Variants in TRPM3 observed in about 807,000 individuals in gnomAD.
TRPM3 encodes the protein long transient receptor potential channel 3.
Under a neutral mutation model 181.2 loss-of-function variants are expected in TRPM3, and 77 were observed. The observed-to-expected ratio is 0.42, with a 90% confidence interval of 0.35 to 0.51. The LOEUF is 0.51. TRPM3 is among the 20% of genes least tolerant of loss of function. The pLI, the probability that TRPM3 is intolerant of heterozygous loss-of-function variation, is 0.01. For missense variants in TRPM3, 1,759 were observed against 2,196.7 expected, an observed-to-expected ratio of 0.80 and a Z score of 3.98; for synonymous variants, 745 against 796.4, an observed-to-expected ratio of 0.94 and a Z score of 1.09.
At chr9:70,917,398 T>G (rs2096608367) in intron 1 of TRPM3, 1 of 874,318 alleles carries the variant, frequency 1.1e-6, no homozygotes. Context: ...AAGAGCTCAG[T>G]GGGGACACCA....
chr9:70,620,466 T>G lies in TRPM3; in HGVS notation c.1840-101A>C, dbSNP rs2063459628. The G allele has an allele frequency of 3.8e-6, 5 of 1,325,670 alleles. No homozygotes were observed. In the East Asian group the frequency reaches 1.2e-4, roughly 31 times the overall value. The allele number at this position is 1,325,670 out of a possible 1,614,324, so 82.1% of individuals were successfully genotyped here. A position where few individuals can be genotyped will look rare whatever the true frequency, so the allele number is the denominator to read the frequency against. On this transcript the variant is annotated intron_variant, in intron 15 of 25. Coordinates refer to ENST00000677713, the MANE Select transcript of TRPM3 (RefSeq NM_001366145.2). ...TTCTCCCAGCTAGCTCTGGGATCAA[T>G]ACTGAAATGAACGAGGCCAGCTCCT...
rs2094091212 is a variant in TRPM3 at position 71,438,938 on chromosome 9, T to C, written c.183+7715A>G. 2.0e-5 allele frequency among the ~76,000 whole-genome samples: 3 copies of C among 152,226 alleles called. No individual in the cohort carries two copies. The South Asian group carries it at 6.2e-4, about 32-fold the overall frequency. ...TAAAAACATTCCTTCCCAAAGTCCTTGAGCTTCATGAAGAGATTAATTTTA... is the reference window on the plus strand; with the variant it reads ...TAAAAACATTCCTTCCCAAAGTCCTCGAGCTTCATGAAGAGATTAATTTTA... On this transcript the variant is annotated intron_variant, in intron 1 of 24. Transcript: ENST00000357533.
chr9:71,269,445 TCAACACCTG>T (rs1463412608), intron 1 of TRPM3, among the ~76,000 whole-genome samples: 1 of 152,170 alleles, frequency 6.6e-6, no homozygotes, highest in Non-Finnish European at 1.5e-5. Flanking sequence ...GGCCAGAGTC[TCAACACCTG>T]CACCGAGCAA....
chr9:71,338,893 G>A (rs755750379), intron 1 of TRPM3, among the ~76,000 whole-genome samples: 9 of 152,068 alleles, frequency 5.9e-5, no homozygotes, highest in Non-Finnish European at 8.8e-5. Flanking sequence ...TTAACTGAAG[G>A]TGTTAACCAA....
intron 1 of TRPM3, among the ~76,000 whole-genome samples, chr9:70,940,059 G>A (rs1014850444): frequency 6.6e-6 from 1 of 152,134 alleles, no homozygotes; most frequent in East Asian, 1.9e-4. Context: ...TGAGCTTAGG[G>A]TTCCTGCAGG....
chr9:70,966,320 T>C (rs1303370969), intron 1 of TRPM3, among the ~76,000 whole-genome samples: 1 of 152,128 alleles, frequency 6.6e-6, no homozygotes, highest in Admixed American at 6.6e-5. Flanking sequence ...TCAACCATTG[T>C]GGAAAGCAGT....
chr9:70,580,183 A>T (rs535755306), intron 22 of TRPM3, among the ~76,000 whole-genome samples: 1 of 152,290 alleles, frequency 6.6e-6, no homozygotes, highest in South Asian at 2.1e-4. Flanking sequence ...TGAAATGAGC[A>T]TTATGGTTGC....
intron 1 of TRPM3, chr9:71,446,558 C>T: frequency 2.3e-6 from 3 of 1,330,556 alleles, no homozygotes; most frequent in Non-Finnish European, 3.1e-6. Context: ...GGCTCTCACC[C>T]TTAGGGAGGC....
At chr9:71,162,128 A>G (rs2076299708) in intron 1 of TRPM3, among the ~76,000 whole-genome samples, 1 of 130,310 alleles carries the variant, frequency 7.7e-6, no homozygotes, top group South Asian at 2.7e-4. Flanking sequence ...TGAACCCAGG[A>G]GGTGGAGGTT....
intron 1 of TRPM3, among the ~76,000 whole-genome samples, chr9:71,288,204 A>C (rs539438255): frequency 2.5e-4 from 38 of 151,584 alleles, no homozygotes; most frequent in African/African-American, 8.9e-4. Context: ...ATAATATTTA[A>C]TATCATAATT....
intron 9 of TRPM3, among the ~76,000 whole-genome samples, chr9:70,643,304 T>C (rs115922652): frequency 1.4e-3 from 216 of 152,330 alleles, no homozygotes; most frequent in African/African-American, 5.0e-3. Flanking sequence ...GCTGGTCTAC[T>C]GGTTGGTGCT....
chr9:71,273,323 G>A (rs551546422), intron 1 of TRPM3, among the ~76,000 whole-genome samples: 5 of 152,262 alleles, frequency 3.3e-5, no homozygotes, highest in South Asian at 2.1e-4. Flanking sequence ...CCACAGCAAA[G>A]CCATAATTAC....
chr9:71,040,103 G>A (rs1359755742), intron 1 of TRPM3, among the ~76,000 whole-genome samples: 3 of 152,094 alleles, frequency 2.0e-5, no homozygotes, highest in Non-Finnish European at 4.4e-5. Flanking sequence ...GAAAGCCTGC[G>A]GCTCTTTCAA....
chr9:70,760,849 T>A (rs2078006136), intron 8 of TRPM3: 1 of 152,244 alleles, frequency 6.6e-6, no homozygotes, highest in African/African-American at 2.4e-5. Flanking sequence ...ACATCACTGG[T>A]TTTGAGTCTT....
At chr9:71,383,429 G>A (rs978768932) in intron 1 of TRPM3, among the ~76,000 whole-genome samples, 7 of 152,160 alleles carry the variant, frequency 4.6e-5, no homozygotes, top group Non-Finnish European at 8.8e-5. Context: ...GCCAATAGGA[G>A]ATAACAGTAG....
chr9:70,804,034 A>G (rs1437638902), intron 6 of TRPM3, among the ~76,000 whole-genome samples: 1 of 152,042 alleles, frequency 6.6e-6, no homozygotes, highest in African/African-American at 2.4e-5. Context: ...TCCCTTTCTC[A>G]AAATGTACTG....
At chr9:71,070,881 T>A (rs2062673015) in intron 1 of TRPM3, among the ~76,000 whole-genome samples, 1 of 152,214 alleles carries the variant, frequency 6.6e-6, no homozygotes, top group Non-Finnish European at 1.5e-5. Context: ...TACAGACTAT[T>A]ATTCAGTATA....
chr9:71,117,914 A>C (rs74915453), intron 1 of TRPM3, among the ~76,000 whole-genome samples: 2,097 of 152,264 alleles, frequency 0.014, 43 homozygotes, highest in African/African-American at 0.048. Flanking sequence ...ATACACAGAA[A>C]GCTCTCTGCC....
upstream of TRPM3, among the ~76,000 whole-genome samples, chr9:71,123,876 C>A (rs1028506365): frequency 2.0e-5 from 3 of 152,144 alleles, no homozygotes; most frequent in African/African-American, 7.2e-5. Flanking sequence ...ATTGCCTACC[C>A]CCTGCCCTGC....
Sources: allele counts gnomAD v4.1 joint callset (sites outside exome capture counted in the v4.1 genomes callset), GRCh38; gene constraint gnomAD v4.1.1; transcripts MANE v1.5; gene names NCBI Gene and HGNC (gene_info 2026-07-23, HGNC 2026-07-21).